Variants in GYS2 observed in about 807,000 individuals in gnomAD.
GYS2 encodes glycogen [starch] synthase, liver.
Under a neutral mutation model 85.6 loss-of-function variants are expected in GYS2, and 80 were observed. The ratio of observed to expected loss-of-function variants is 0.93; its 90% CI spans 0.78 to 1.13. The LOEUF is 1.13. Among genes scored for constraint, GYS2 ranks in the 50% most tolerant of loss-of-function variants. The pLI, the probability that GYS2 is intolerant of heterozygous loss-of-function variation, is 0.00. For missense variants in GYS2, 881 were observed against 854.9 expected, an observed-to-expected ratio of 1.03 and a Z score of -0.38; for synonymous variants, 328 against 300.7, an observed-to-expected ratio of 1.09 and a Z score of -0.94.
chr12:21,557,193 T>G (rs933648143), intron 11 of GYS2, among the ~76,000 whole-genome samples: 1 of 152,232 alleles, frequency 6.6e-6, no homozygotes, highest in Non-Finnish European at 1.5e-5. Flanking sequence ...AAAAGATTCA[T>G]TGTGGCTATT....
intron 1 of GYS2, among the ~76,000 whole-genome samples, chr12:21,584,553 G>A (rs968637832): frequency 1.3e-5 from 2 of 152,154 alleles, no homozygotes; most frequent in African/African-American, 4.8e-5. Context: ...CAGCAACATG[G>A]ACTTCCACTC....
intron 4 of GYS2, 133 bp from the exon 5 acceptor site, chr12:21,569,142 A>G: frequency 1.2e-6 from 1 of 817,020 alleles, no homozygotes. Flanking sequence ...AAAGTAATAA[A>G]AACTTGAATT....
At chr12:21,541,268 C>CAAAAAAAAA (rs3832848) in intron 13 of GYS2, among the ~76,000 whole-genome samples, 141 of 45,908 alleles carry the variant, frequency 3.1e-3, no homozygotes, top group Admixed American at 4.4e-3. Flanking sequence ...ACCATGTTTC[C>CAAAAAAAAA]AAAAAAAAAA....
At chr12:21,602,709 T>C (rs572120542) in intron 1 of GYS2, among the ~76,000 whole-genome samples, 1 of 152,138 alleles carries the variant, frequency 6.6e-6, no homozygotes, top group African/African-American at 2.4e-5. Flanking sequence ...AAAAAATCCA[T>C]TGAGCATTTT....
chr12:21,570,300 C>T (rs2136896712), intron 4 of GYS2, among the ~76,000 whole-genome samples: 1 of 152,216 alleles, frequency 6.6e-6, no homozygotes, highest in Middle Eastern at 3.4e-3. Flanking sequence ...CTTTTTTGAG[C>T]AATTTATGTG....
At chr12:21,570,338 A>G (rs1944371426) in intron 4 of GYS2, among the ~76,000 whole-genome samples, 1 of 152,232 alleles carries the variant, frequency 6.6e-6, no homozygotes, top group South Asian at 2.1e-4. Flanking sequence ...AAACTTATAA[A>G]TTAATGGAAA....
chr12:21,596,216 C>T (rs255435), intron 1 of GYS2, among the ~76,000 whole-genome samples: 83 of 152,156 alleles, frequency 5.5e-4, no homozygotes, highest in African/African-American at 1.9e-3. Flanking sequence ...CACTATTCTA[C>T]AAGACAGATA....
At chr12:21,543,547 G>A (rs1018832867) in intron 12 of GYS2, among the ~76,000 whole-genome samples, 7 of 151,744 alleles carry the variant, frequency 4.6e-5, no homozygotes, top group Admixed American at 2.6e-4. Flanking sequence ...ACCTTCTATG[G>A]GAGTTGGGAG....
At chr12:21,583,084 G>A (rs61926864) in intron 1 of GYS2, among the ~76,000 whole-genome samples, 18,574 of 152,172 alleles carry the variant, frequency 0.12, 1,457 homozygotes, top group Middle Eastern at 0.26. Flanking sequence ...GAGAGAACTT[G>A]CTCACCTTTC....
rs1011182526 is a variant in GYS2, at chr12:21,559,671, T to C, written c.1209A>G (p.Lys403=). ...AHSVKEKFGK[K]LYDALLRGEI... ...CCTACCTTAATAATGCATCATAGAG[T>C]TTTTTTCCAAACTTTTCCTTCACAG... The change falls in exon 9 of 16, where the codon AAA becomes AAG. Residue 403 remains lysine (K), a synonymous_variant. Coordinates refer to ENST00000261195, the MANE Select transcript of GYS2 (RefSeq NM_021957.4). 1.9e-6 allele frequency: 3 copies of C among 1,587,618 alleles called. No individual in the cohort carries two copies. The highest frequency in any genetic ancestry group is 2.6e-6 in the Non-Finnish European group (3 of 1,156,096).
intron 11 of GYS2, among the ~76,000 whole-genome samples, chr12:21,555,133 A>G (rs1591786795): frequency 6.6e-6 from 1 of 152,342 alleles, no homozygotes; most frequent in Non-Finnish European, 1.5e-5. Flanking sequence ...AGAAGTCTAC[A>G]GGGAAATAAA....
At position 21,549,157 on chromosome 12, in the gene GYS2, A is replaced by G. The variant is rs117298127; in HGVS notation, c.1423-2687T>C. ...TTGGAAAGTTGTGACTAGAATAGCT[A>G]TTTAACTTGCTAACTCTGTGAATGA... On this transcript the variant is annotated intron_variant, in intron 11 of 15. Coordinates refer to ENST00000261195, the MANE Select transcript of GYS2 (RefSeq NM_021957.4). Among the ~76,000 whole-genome samples, 125 of 152,316 alleles carry G rather than the reference A, an allele frequency of 8.2e-4. 1 individual carries two copies. The highest frequency in any genetic ancestry group is 1.5e-3 in the Non-Finnish European group (101 of 68,014).
At chr12:21,563,531 G>T (rs559755110) in intron 5 of GYS2, among the ~76,000 whole-genome samples, 186 bp from the exon 6 acceptor site, 13 of 152,136 alleles carry the variant, frequency 8.5e-5, no homozygotes, top group Admixed American at 3.9e-4. Context: ...CAACAAATTT[G>T]GTCTACTGAT....
At chr12:21,543,243 G>A (rs1943999906) in intron 12 of GYS2, among the ~76,000 whole-genome samples, 1 of 152,162 alleles carries the variant, frequency 6.6e-6, no homozygotes, top group South Asian at 2.1e-4. Flanking sequence ...ACCCTTGGTT[G>A]GTGAGTGGAG....
intron 1 of GYS2, among the ~76,000 whole-genome samples, chr12:21,585,364 C>T (rs7137480): frequency 4.6e-5 from 7 of 151,908 alleles, no homozygotes; most frequent in East Asian, 1.9e-4. Flanking sequence ...GTGTTGGCTG[C>T]GGTGATTAAC....
chr12:21,559,267 T>A, intron 9 of GYS2, 98 bp from the exon 10 acceptor site: 1 of 642,388 alleles, frequency 1.6e-6, no homozygotes. Flanking sequence ...TCATGTATTT[T>A]AATAAATAAT....
chr12:21,579,871 G>A (rs1944489000), intron 2 of GYS2, among the ~76,000 whole-genome samples: 1 of 152,042 alleles, frequency 6.6e-6, no homozygotes, highest in Non-Finnish European at 1.5e-5. Context: ...TATTCCATTT[G>A]CTATAAAAGG....
chr12:21,540,226 C>T (rs779638909), intron 14 of GYS2, among the ~76,000 whole-genome samples, 184 bp downstream of exon 14: 16 of 152,042 alleles, frequency 1.1e-4, no homozygotes, highest in Non-Finnish European at 2.2e-4. Context: ...TAGACTCAAA[C>T]GAAACATGAA....
Position 21,580,398 on chromosome 12 carries a change from G to T in GYS2, c.247C>A (p.Pro83Thr). 1 of 1,613,598 alleles carries T rather than the reference G, an allele frequency of 6.2e-7. No individual in the cohort carries two copies. Among genetic ancestry groups the T allele is most frequent in the South Asian group, 1.1e-5 (1 of 91,058 alleles). The change falls in exon 2 of 16, where the codon CCT becomes ACT. Residue 83 changes from proline (P) to threonine (T), a missense_variant. Pro to Thr is a conservative substitution (Grantham distance 38, BLOSUM62 -1). Coordinates refer to ENST00000261195, the MANE Select transcript of GYS2 (RefSeq NM_021957.4). ...GCTCTTCTGACAGCATCATTTACAG[G>T]TTCACACTGTTCCACCTGAGTCTTC... ...NMKTQVEQCE[P>T]VNDAVRRAVD...
Sources: allele counts gnomAD v4.1 joint callset (sites outside exome capture counted in the v4.1 genomes callset), GRCh38; gene constraint gnomAD v4.1.1; transcripts MANE v1.5; gene names NCBI Gene and HGNC (gene_info 2026-07-23, HGNC 2026-07-21).